The following ABTB2 variants were observed in gnomAD, a reference collection of about 807,000 sequenced individuals.
ABTB2 encodes ankyrin repeat and BTB domain containing 2.
Under a neutral mutation model 104.1 loss-of-function variants are expected in ABTB2, and 56 were observed. That is an observed-to-expected ratio of 0.54 (90% CI 0.43 to 0.67). ABTB2 has a LOEUF of 0.67. Among genes scored for constraint, ABTB2 ranks in the 30% least tolerant of loss-of-function variants. The probability of loss-of-function intolerance (pLI) is 0.00; values close to 1 mark genes in which losing one functional copy is unlikely to be tolerated. For missense variants in ABTB2, 1,279 were observed against 1,407.7 expected, an observed-to-expected ratio of 0.91 and a Z score of 1.46; for synonymous variants, 606 against 608.2, an observed-to-expected ratio of 1.00 and a Z score of 0.05.
At chr11:34,204,938 G>A (rs992927718) in intron 1 of ABTB2, among the ~76,000 whole-genome samples, 4 of 152,170 alleles carry the variant, frequency 2.6e-5, no homozygotes, top group Non-Finnish European at 5.9e-5. Flanking sequence ...TTTCTTGGAG[G>A]TACTCAAGAA....
At chr11:34,287,084 T>C (rs1240151283) in intron 1 of ABTB2, among the ~76,000 whole-genome samples, 2 of 151,518 alleles carry the variant, frequency 1.3e-5, no homozygotes, top group South Asian at 4.2e-4. Flanking sequence ...TCATGGCTCA[T>C]GCCTGTAATC....
intron 1 of ABTB2, among the ~76,000 whole-genome samples, chr11:34,249,652 T>C (rs934015796): frequency 1.3e-5 from 2 of 152,180 alleles, no homozygotes; most frequent in African/African-American, 4.8e-5. Flanking sequence ...ATATGAAATG[T>C]CTTTTCTTTG....
intron 1 of ABTB2, among the ~76,000 whole-genome samples, chr11:34,244,960 A>G (rs2611091): frequency 0.62 from 93,598 of 151,960 alleles, 29,142 homozygotes; most frequent in African/African-American, 0.7. Context: ...TTAAGCAGAG[A>G]TCACGCCAGT....
At chr11:34,238,695 T>C (rs988700573) in intron 1 of ABTB2, among the ~76,000 whole-genome samples, 6 of 152,198 alleles carry the variant, frequency 3.9e-5, no homozygotes, top group Admixed American at 2.6e-4. Flanking sequence ...TGAGCTGGGA[T>C]TCAAGCCTCG....
At chr11:34,272,706 C>CAAAAAAAAAA (rs35638814) in intron 1 of ABTB2, among the ~76,000 whole-genome samples, 47 of 41,024 alleles carry the variant, frequency 1.1e-3, no homozygotes, top group African/African-American at 1.5e-3. Context: ...GACTCCGTCT[C>CAAAAAAAAAA]AAAAAAAAAA....
At chr11:34,201,795 C>A (rs963668056) in intron 2 of ABTB2, among the ~76,000 whole-genome samples, 1 of 152,238 alleles carries the variant, frequency 6.6e-6, no homozygotes, top group Admixed American at 6.5e-5. Flanking sequence ...ACAGCCTGTT[C>A]TCTGGTCTGT....
chr11:34,152,870 A>G (rs917767341), intron 16 of ABTB2, among the ~76,000 whole-genome samples: 2 of 152,180 alleles, frequency 1.3e-5, no homozygotes, highest in African/African-American at 4.8e-5. Context: ...GGGACTGTCC[A>G]CCACTGGGTG....
At chr11:34,337,741 C>G (rs1300816324) in intron 1 of ABTB2, among the ~76,000 whole-genome samples, 1 of 152,190 alleles carries the variant, frequency 6.6e-6, no homozygotes, top group Non-Finnish European at 1.5e-5. Context: ...GTCCTGCTCA[C>G]CTCATAGTAG....
intron 1 of ABTB2, among the ~76,000 whole-genome samples, chr11:34,349,438 G>GT (rs1371154537): frequency 6.6e-6 from 1 of 152,122 alleles, no homozygotes; most frequent in African/African-American, 2.4e-5. Flanking sequence ...CAAACAAACT[G>GT]TTAGCCACCA....
chr11:34,318,058 C>T (rs1166322446), intron 1 of ABTB2, among the ~76,000 whole-genome samples: 1 of 152,044 alleles, frequency 6.6e-6, no homozygotes, highest in Admixed American at 6.6e-5. Flanking sequence ...CCTCCAGCTC[C>T]TGGGTTCAAG....
intron 3 of ABTB2, among the ~76,000 whole-genome samples, chr11:34,183,221 C>T (rs766164712): frequency 4.6e-5 from 7 of 152,140 alleles, no homozygotes; most frequent in Non-Finnish European, 8.8e-5. Flanking sequence ...CTGCCTCATC[C>T]TCCCAAGTAG....
At chr11:34,195,075 C>CGGGGGGGGGGGGG (rs1461939590) in intron 3 of ABTB2, among the ~76,000 whole-genome samples, 4 of 18,056 alleles carry the variant, frequency 2.2e-4, no homozygotes, top group Admixed American at 6.6e-4. Context: ...AGATGCCCGG[C>CGGGGGGGGGGGGG]GGGGGGGGGG....
intron 1 of ABTB2, among the ~76,000 whole-genome samples, chr11:34,269,670 C>A (rs1459300137): frequency 6.6e-6 from 1 of 152,230 alleles, no homozygotes; most frequent in Non-Finnish European, 1.5e-5. Flanking sequence ...ACACAAATGC[C>A]ATGTGCCATG....
intron 1 of ABTB2, among the ~76,000 whole-genome samples, chr11:34,214,139 A>AAC (rs10529537): frequency 0.051 from 7,052 of 139,224 alleles, 232 homozygotes; most frequent in East Asian, 0.14. Context: ...GCACATTCAA[A>AAC]ACACACACAC....
Position 34,357,117 on chromosome 11 carries a change from A to G in ABTB2, c.467T>C (p.Phe156Ser), listed in dbSNP as rs1292905622. The change falls in exon 1 of 17, where the codon TTT (phenylalanine) becomes TCT (serine). Residue 156 changes from phenylalanine (F) to serine (S), a missense_variant. Transcript: ENST00000435224. ...CAGGCGCACGGCGCTCTGCACCTCA[A>G]AGCGGGTGCACTTGGCGTGCAGCAC... Reference protein sequence around the residue: ...LSVLHAKCTRFEVQSAVRLVH... With the variant: ...LSVLHAKCTRSEVQSAVRLVH... The G allele has an allele frequency of 1.3e-6, 2 of 1,512,220 alleles. No individual in the cohort carries two copies. The highest frequency in any genetic ancestry group is 1.8e-6 in the Non-Finnish European group (2 of 1,135,918). The allele number at this position is 1,512,220 out of a possible 1,614,324, so 93.7% of individuals were successfully genotyped here. A position where few individuals can be genotyped will look rare whatever the true frequency, so the allele number is the denominator to read the frequency against.
At chr11:34,310,220 C>T (rs1327923917) in intron 1 of ABTB2, among the ~76,000 whole-genome samples, 1 of 152,150 alleles carries the variant, frequency 6.6e-6, no homozygotes, top group Non-Finnish European at 1.5e-5. Flanking sequence ...AAATCCTTAT[C>T]TTCAGATCCA....
intron 1 of ABTB2, among the ~76,000 whole-genome samples, chr11:34,295,048 G>T (rs1854605138): frequency 2.6e-5 from 4 of 152,140 alleles, no homozygotes; most frequent in Admixed American, 2.6e-4. Context: ...GCCAGGCATG[G>T]AGGTGCAAGC....
chr11:34,270,413 C>G (rs982904599), intron 1 of ABTB2, among the ~76,000 whole-genome samples: 3 of 150,254 alleles, frequency 2.0e-5, no homozygotes, highest in African/African-American at 7.4e-5. Flanking sequence ...GATCTCGGCT[C>G]GCTGCAACCT....
chr11:34,307,850 CA>C (rs1265365843), intron 1 of ABTB2, among the ~76,000 whole-genome samples: 3 of 152,236 alleles, frequency 2.0e-5, no homozygotes, highest in African/African-American at 7.2e-5. Flanking sequence ...AGGCACGCGC[CA>C]CCATGCCCAG....
Sources: gnomAD v4.1 joint callset for allele counts (sites outside exome capture counted in the v4.1 genomes callset) on GRCh38, gnomAD v4.1.1 for gene constraint, MANE v1.5 for transcripts, NCBI Gene and HGNC (gene_info 2026-07-23, HGNC 2026-07-21) for gene names.